FOXI1: variants seen among roughly 807,000 people sequenced by gnomAD.
FOXI1 encodes the protein forkhead box protein I1.
A neutral mutation model predicts 16.4 loss-of-function variants in FOXI1; 11 were observed. That is an observed-to-expected ratio of 0.67 (90% CI 0.42 to 1.11). FOXI1 has a LOEUF of 1.11. Ranked by LOEUF, FOXI1 falls within the 50% of genes least tolerant of loss-of-function variation. The pLI is 0.00. For missense variants in FOXI1, 480 were observed against 506.1 expected (o/e 0.95, Z 0.49); for synonymous variants, 218 against 211.5 (o/e 1.03, Z -0.27).
At chr5:170,106,613 G>C in intron 1 of FOXI1, 82 bp downstream of exon 1, 1 of 1,567,232 alleles carries the variant, frequency 6.4e-7, no homozygotes, top group Non-Finnish European at 8.7e-7. Flanking sequence ...AGAAAGTTCT[G>C]ACTAGGGCTG....
chr5:170,106,784 T>C, intron 1 of FOXI1: 1 of 260,196 alleles, frequency 3.8e-6, no homozygotes, highest in Non-Finnish European at 6.0e-6. Flanking sequence ...AGTTCCCTCA[T>C]CGGAAAACCA....
rs1758594776 is a variant in FOXI1 at position 170,109,225 on chromosome 5, C to T, written c.*614C>T. ...TGCCCCAACTTACCTGCAGACACTC[C>T]TTTTGCTACCACTCAAGGAAGGAAG... On this transcript the variant is annotated 3_prime_UTR_variant, in exon 2 of 2. Coordinates refer to ENST00000306268, the MANE Select transcript of FOXI1 (RefSeq NM_012188.5). 1 of 152,854 alleles carries T rather than the reference C, an allele frequency of 6.5e-6. No individual in the cohort carries two copies. Among genetic ancestry groups the T allele is most frequent in the African/African-American group, 2.4e-5 (1 of 41,452 alleles). The allele number at this position is 152,854 out of a possible 1,614,324, so 9.5% of individuals were successfully genotyped here. A position where few individuals can be genotyped will look rare whatever the true frequency, so the allele number is the denominator to read the frequency against.
rs1758493189 is a variant in FOXI1 at position 170,106,512 on chromosome 5, C to G, written c.555C>G (p.Pro185=). 1 of 1,614,122 alleles carries G rather than the reference C, an allele frequency of 6.2e-7. No individual in the cohort carries two copies. The highest frequency in any genetic ancestry group is 1.3e-5 in the African/African-American group (1 of 74,948). ...LSLNDCFKKV[P]RDEDDPGKGN... is the part of the protein sequence containing the mutation. Reference sequence around the variant, plus strand: ...TCAACGACTGCTTCAAGAAGGTGCCCCGCGACGAGGACGACCCGGGTAAGG... The same window carrying G: ...TCAACGACTGCTTCAAGAAGGTGCCGCGCGACGAGGACGACCCGGGTAAGG... Residue 185 remains proline, a synonymous_variant, in exon 1 of 2, where the codon CCC becomes CCG. Transcript: ENST00000306268.
At chr5:170,107,012 T>C (rs1758512247) in intron 1 of FOXI1, 17 of 985,258 alleles carry the variant, frequency 1.7e-5, no homozygotes, top group Non-Finnish European at 2.0e-5. Flanking sequence ...CTGACCTGGG[T>C]TAAACAGCCA....
chr5:170,108,742 C>A lies in FOXI1; in HGVS notation c.*131C>A. 1 of 735,362 alleles carries A rather than the reference C, an allele frequency of 1.4e-6. No homozygotes were observed. Among genetic ancestry groups the A allele is most frequent in the South Asian group, 1.5e-5 (1 of 64,962 alleles). 45.6% of individuals were successfully genotyped at this position (735,362 alleles called of 1,614,324 possible). On this transcript the variant is annotated 3_prime_UTR_variant, in exon 2 of 2. Coordinates refer to ENST00000306268, the MANE Select transcript of FOXI1 (RefSeq NM_012188.5). ...AAGCAGGAGCCTCCGAGGAATCCAC[C>A]CTCTTTCTAGAACACTGGTTAAGGC...
In FOXI1 at chr5:170,108,103, G is replaced by T; in HGVS notation, c.629G>T (p.Gly210Val). ...AACTGTGAGAAAATGTTCGACAATG[G>T]AAATTTCCGCAGGAAAAGGAAGAGA... ...DPNCEKMFDN[G>V]NFRRKRKRKS... The change falls in exon 2 of 2, where the codon GGA becomes GTA. Residue 210 changes from glycine (G) to valine (V), a missense_variant. This residue lies in a region of FOXI1 where 257 missense variants were observed against 262.2 expected (regional missense o/e 0.98). Transcript: ENST00000306268. 1 of 1,614,162 alleles carries T rather than the reference G, an allele frequency of 6.2e-7. No individual in the cohort carries two copies. The highest frequency in any genetic ancestry group is 8.5e-7 in the Non-Finnish European group (1 of 1,180,022).
intron 1 of FOXI1, among the ~76,000 whole-genome samples, chr5:170,107,597 C>G (rs1758529891): frequency 6.6e-6 from 1 of 152,248 alleles, no homozygotes; most frequent in African/African-American, 2.4e-5. Flanking sequence ...GACTAGAAAA[C>G]AGGTTCTTCC....
Position 170,106,030 on chromosome 5 carries a change from C to G in FOXI1, c.73C>G (p.Pro25Ala). The change falls in exon 1 of 2, where the codon CCC becomes GCC. Residue 25 changes from proline (P) to alanine (A), a missense_variant. Pro to Ala is a conservative substitution (Grantham distance 27). Transcript: ENST00000306268. ...SPQFPSIGQE[P>A]PEMNLYYENF... ...CCAGTTCCCCAGCATCGGCCAGGAG[C>G]CCCCCGAGATGAACCTCTACTATGA... 1.2e-6 allele frequency: 2 copies of G among 1,611,764 alleles called. No individual in the cohort carries two copies. The highest frequency in any genetic ancestry group is 1.7e-6 in the Non-Finnish European group (2 of 1,178,324).
chr5:170,108,359 G>A lies in FOXI1; in HGVS notation c.885G>A (p.Thr295=), dbSNP rs554769499. 5.6e-6 allele frequency: 9 copies of A among 1,613,928 alleles called. No individual in the cohort carries two copies. The highest frequency in any genetic ancestry group is 4.0e-5 in the African/African-American group (3 of 74,874). The part of the protein sequence containing the change: ...MTAYVSGGSP[T]SHPLVTPGLS... ...CCTATGTGAGCGGGGGGAGCCCCACGAGCCACCCCTTGGTCACACCAGGAC... is the reference window on the plus strand; with the variant it reads ...CCTATGTGAGCGGGGGGAGCCCCACAAGCCACCCCTTGGTCACACCAGGAC... The change falls in exon 2 of 2, where the codon ACG becomes ACA. Residue 295 remains threonine (T), a synonymous_variant. Coordinates refer to ENST00000306268, the MANE Select transcript of FOXI1 (RefSeq NM_012188.5).
At chr5:170,107,105 A>G (rs1459464562) in intron 1 of FOXI1, 1 of 412,906 alleles carries the variant, frequency 2.4e-6, no homozygotes. Context: ...GGTAGCTCTT[A>G]TGAAACCCAT....
At position 170,108,250 on chromosome 5, in the gene FOXI1, G is replaced by A. The variant is rs139420743; in HGVS notation, c.776G>A (p.Gly259Asp). Reference sequence around the variant, plus strand: ...ATCTTGGATGGAGCCTCACCAGGGGGCACCACCAGCTCCCCAGAGAAGCGG... The same window carrying A: ...ATCTTGGATGGAGCCTCACCAGGGGACACCACCAGCTCCCCAGAGAAGCGG... ...QDILDGASPGGTTSSPEKRPS... is the reference protein window; with the variant it reads ...QDILDGASPGDTTSSPEKRPS... Residue 259 changes from glycine (G) to aspartate (D), a missense_variant, in exon 2 of 2, where the codon GGC becomes GAC. By Grantham distance (94) the Gly-to-Asp change is moderately conservative (BLOSUM62 -1). Around this residue, in one of 3 missense-constraint regions of FOXI1, gnomAD observed 257 missense variants for 262.2 expected, o/e 0.98. Transcript: ENST00000306268. The A allele has an allele frequency of 4.6e-5, 74 of 1,614,110 alleles. No individual in the cohort carries two copies. The African/African-American group carries it at 7.9e-4, about 17-fold the overall frequency.
intron 1 of FOXI1, among the ~76,000 whole-genome samples, chr5:170,107,589 C>T (rs1357891846): frequency 6.6e-6 from 1 of 152,246 alleles, no homozygotes; most frequent in Non-Finnish European, 1.5e-5. Context: ...ACTTTTCAGA[C>T]TAGAAAACAG....
At position 170,105,941 on chromosome 5, in the gene FOXI1, G is replaced by T; in HGVS notation, c.-17G>T. 6.3e-7 allele frequency: 1 copy of T among 1,595,640 alleles called. No individual in the cohort carries two copies. Among genetic ancestry groups the T allele is most frequent in the African/African-American group, 1.3e-5 (1 of 74,618 alleles). ...TGCAGGTGCCAGGCAGGTGGCTCCG[G>T]CCAGCCCAGCCCCAGCATGAGCTCC... On this transcript the variant is annotated 5_prime_UTR_variant, in exon 1 of 2. Coordinates refer to ENST00000306268, the MANE Select transcript of FOXI1 (RefSeq NM_012188.5).
At chr5:170,106,631 C>T in intron 1 of FOXI1, 100 bp downstream of exon 1, 1 of 1,514,298 alleles carries the variant, frequency 6.6e-7, no homozygotes, top group Middle Eastern at 1.7e-4. Flanking sequence ...CTGTGCCCCC[C>T]AAGACTGGGG....
rs1049654514 is a variant in FOXI1 at position 170,108,906 on chromosome 5, C to T, written c.*295C>T. On this transcript the variant is annotated 3_prime_UTR_variant, in exon 2 of 2. Transcript: ENST00000306268. ...CCACACTTACTATTGACAGTCACCCCGTAAGGTTCACAAACCACCCCATTG... is the reference window on the plus strand; with the variant it reads ...CCACACTTACTATTGACAGTCACCCTGTAAGGTTCACAAACCACCCCATTG... 2.7e-5 allele frequency: 11 copies of T among 406,888 alleles called. No individual in the cohort carries two copies. Among genetic ancestry groups the T allele is most frequent in the Admixed American group, 1.2e-4 (3 of 25,740 alleles). 25.2% of individuals were successfully genotyped at this position (406,888 alleles called of 1,614,324 possible). A position where few individuals can be genotyped will look rare whatever the true frequency, so the allele number is the denominator to read the frequency against.
intron 1 of FOXI1, 83 bp from the exon 2 acceptor site, chr5:170,107,965 GC>G: frequency 9.2e-7 from 1 of 1,083,948 alleles, no homozygotes. Context: ...TGTCACCTTG[GC>G]TTTTAGTTTA....
intron 1 of FOXI1, chr5:170,107,078 C>T (rs1192040032): frequency 1.7e-5 from 13 of 760,242 alleles, no homozygotes; most frequent in East Asian, 1.3e-4. Flanking sequence ...TCCTTTAACC[C>T]GAAGACACCC....
chr5:170,106,537 G>A lies in FOXI1; in HGVS notation c.574+6G>A. 1 of 1,614,208 alleles carries A rather than the reference G, an allele frequency of 6.2e-7. No homozygotes were observed. The highest frequency in any genetic ancestry group is 8.5e-7 in the Non-Finnish European group (1 of 1,180,018). On this transcript the variant is annotated splice_donor_region_variant and intron_variant, in intron 1 of 1. Transcript: ENST00000306268. ...CCGCGACGAGGACGACCCGGGTAAG[G>A]AGGCTTTGAGTGTGGGGGGTGTCCC...
At position 170,108,018 on chromosome 5, in the gene FOXI1, C is replaced by G. The variant is rs192142086; in HGVS notation, c.575-31C>G. ...CAGAAGCAAAGCATTTTGTCCACCTCTCTATTTACCCCCTTTCACTTTTGT... is the reference window on the plus strand; with the variant it reads ...CAGAAGCAAAGCATTTTGTCCACCTGTCTATTTACCCCCTTTCACTTTTGT... On this transcript the variant is annotated intron_variant, in intron 1 of 1. Coordinates refer to ENST00000306268, the MANE Select transcript of FOXI1 (RefSeq NM_012188.5). 1.7e-3 allele frequency: 2,603 copies of G among 1,550,836 alleles called. 18 individuals carry two copies. The highest frequency in any genetic ancestry group is 9.5e-4 in the Non-Finnish European group (1,066 of 1,122,730).
Sources: allele counts gnomAD v4.1 joint callset (sites outside exome capture counted in the v4.1 genomes callset), GRCh38; gene constraint gnomAD v4.1.1; regional missense constraint gnomAD v4.1.1; transcripts MANE v1.5; gene names NCBI Gene and HGNC (gene_info 2026-07-23, HGNC 2026-07-21).